Variants in MYO7A observed in about 807,000 individuals in gnomAD.
MYO7A encodes unconventional myosin-VIIa.
In MYO7A, 210 loss-of-function variants were observed where a neutral mutation model predicts 263.8. The ratio of observed to expected loss-of-function variants is 0.80; its 90% CI spans 0.71 to 0.89. The LOEUF (loss-of-function observed/expected upper bound fraction) is 0.89, where lower values mean the gene tolerates loss of function less well. Among genes scored for constraint, MYO7A ranks in the 40% least tolerant of loss-of-function variants. The probability of loss-of-function intolerance (pLI) is 0.00; values close to 1 mark genes in which losing one functional copy is unlikely to be tolerated. For missense variants in MYO7A, 2,820 were observed against 2,968.3 expected (o/e 0.95, Z 1.16); for synonymous variants, 1,239 against 1,197.3 (o/e 1.03, Z -0.72).
chr11:77,214,386 G>A (rs1024739131), intron 48 of MYO7A, among the ~76,000 whole-genome samples: 14 of 152,228 alleles, frequency 9.2e-5, no homozygotes, highest in Admixed American at 2.0e-4. Flanking sequence ...GGACCCACAA[G>A]CTAGGGGCTT....
At chr11:77,182,291 A>T in intron 24 of MYO7A, 133 bp from the exon 25 acceptor site, 1 of 1,430,708 alleles carries the variant, frequency 7.0e-7, no homozygotes, top group Non-Finnish European at 9.4e-7. Flanking sequence ...TATAGTCTTC[A>T]CTGCGGTGCC....
intron 4 of MYO7A, among the ~76,000 whole-genome samples, chr11:77,150,217 G>A (rs879975688): frequency 4.6e-5 from 7 of 152,220 alleles, no homozygotes; most frequent in Non-Finnish European, 8.8e-5. Flanking sequence ...TTTTCCCGCC[G>A]GGCCCCCTGC....
intron 27 of MYO7A, 58 bp downstream of exon 27, chr11:77,184,773 G>A (rs1555087464): frequency 1.3e-6 from 2 of 1,576,146 alleles, no homozygotes; most frequent in South Asian, 2.3e-5. Context: ...GCTGAGTGGT[G>A]CCTCTGTCAA....
In MYO7A at chr11:77,155,916, G is replaced by A. The variant is rs1555061415; in HGVS notation, c.295G>A (p.Gly99Ser). ...YRDHLIYTYT[G>S]SILVAVNPYQ... ...CTCTTGCTGCCCGCAGACGTATACG[G>A]GCTCCATCCTGGTGGCTGTGAACCC... Residue 99 changes from glycine to serine, a missense_variant, in exon 5 of 49, where the codon GGC (glycine) becomes AGC (serine). By Grantham distance (56) the Gly-to-Ser change is moderately conservative. Transcript: ENST00000409709. 3 of 1,603,352 alleles carry A rather than the reference G, an allele frequency of 1.9e-6. No homozygotes were observed. Among genetic ancestry groups the A allele is most frequent in the African/African-American group, 1.3e-5 (1 of 74,722 alleles).
chr11:77,174,965 T>G (rs1954498802), intron 17 of MYO7A, 51 bp downstream of exon 17: 2 of 1,591,156 alleles, frequency 1.3e-6, no homozygotes, highest in Non-Finnish European at 1.7e-6. Context: ...CAGCTTTGGC[T>G]GGGCAAGGGT....
rs181126043 is a variant in MYO7A at position 77,162,282 on chromosome 11, G to A, written c.1506G>A (p.Lys502=). ...NQDALDMIAN[K]PMNIISLIDE... ...ATGCCCTGGACATGATTGCCAACAA[G>A]CCCATGAACATCATCTCCCTCATCG... Residue 502 remains lysine (K), a synonymous_variant, in exon 13 of 49, where the codon AAG becomes AAA. Transcript: ENST00000409709. 2.8e-5 allele frequency: 43 copies of A among 1,553,080 alleles called. No individual in the cohort carries two copies. In the African/African-American group the frequency reaches 5.3e-4, roughly 19 times the overall value.
In MYO7A at chr11:77,159,454, A is replaced by C. The variant is rs2135269662; in HGVS notation, c.1011A>C (p.Thr337=). The change falls in exon 10 of 49, where the codon ACA becomes ACC. Residue 337 remains threonine, a synonymous_variant. Coordinates refer to ENST00000409709, the MANE Select transcript of MYO7A (RefSeq NM_000260.4). The part of the protein sequence containing the change: ...HLGNLQYEAR[T]FENLDACEVL... ...GCCCCTTGCTGCCAACAGCACGCAC[A>C]TTTGAAAACCTGGATGCCTGTGAGG... is the stretch of plus-strand genomic sequence containing the variant. 1 of 1,386,888 alleles carries C rather than the reference A, an allele frequency of 7.2e-7. No individual in the cohort carries two copies. Among genetic ancestry groups the C allele is most frequent in the African/African-American group, 1.6e-5 (1 of 64,396 alleles). The allele number at this position is 1,386,888 out of a possible 1,614,324, so 85.9% of individuals were successfully genotyped here.
chr11:77,192,141 A>C lies in MYO7A; in HGVS notation c.4015A>C (p.Asn1339His). The C allele has an allele frequency of 6.2e-7, 1 of 1,613,930 alleles. No individual in the cohort carries two copies. Among genetic ancestry groups the C allele is most frequent in the Non-Finnish European group, 8.5e-7 (1 of 1,179,884 alleles). The change falls in exon 31 of 49, where the codon AAC becomes CAC. Residue 1339 changes from asparagine (N) to histidine (H), a missense_variant. By Grantham distance (68) the Asn-to-His change is moderately conservative (BLOSUM62 1). Coordinates refer to ENST00000409709, the MANE Select transcript of MYO7A (RefSeq NM_000260.4). ...CAAGGAGCAGGGCGCCCAGGAGCGC[A>C]ACGCCCCCTGGAGGCTCTTCTTCCG... ...YAKEQGAQERNAPWRLFFRKE... is the reference protein window; with the variant it reads ...YAKEQGAQERHAPWRLFFRKE...
intron 4 of MYO7A, among the ~76,000 whole-genome samples, chr11:77,152,699 T>C (rs1389269247): frequency 4.6e-5 from 7 of 152,000 alleles, no homozygotes; most frequent in African/African-American, 1.7e-4. Context: ...GTGCCGTGCA[T>C]GGTGCCAGGC....
Position 77,211,908 on chromosome 11 carries a change from A to G in MYO7A, c.6325A>G (p.Thr2109Ala). 1 of 1,613,908 alleles carries G rather than the reference A, an allele frequency of 6.2e-7. No homozygotes were observed. Among genetic ancestry groups the G allele is most frequent in the Non-Finnish European group, 8.5e-7 (1 of 1,179,832 alleles). Residue 2109 changes from threonine (T) to alanine (A), a missense_variant, in exon 46 of 49, where the codon ACC becomes GCC. Coordinates refer to ENST00000409709, the MANE Select transcript of MYO7A (RefSeq NM_000260.4). ...CCTGAAGCTCATCTTCAAGTGGCCCACCTTTGGCTCAGCCTTCTTCGAGGT... is the reference window on the plus strand; with the variant it reads ...CCTGAAGCTCATCTTCAAGTGGCCCGCCTTTGGCTCAGCCTTCTTCGAGGT... ...AFLKLIFKWP[T>A]FGSAFFEVKQ...
chr11:77,153,974 G>C (rs1292237785), intron 4 of MYO7A, among the ~76,000 whole-genome samples: 2 of 152,222 alleles, frequency 1.3e-5, no homozygotes, highest in Non-Finnish European at 2.9e-5. Flanking sequence ...GTTTAGCTGG[G>C]CATGGTGGCA....
intron 1 of MYO7A, among the ~76,000 whole-genome samples, chr11:77,128,928 G>C (rs781829849): frequency 3.2e-4 from 49 of 152,306 alleles, no homozygotes; most frequent in Admixed American, 2.0e-4. Flanking sequence ...AGCCCCAACA[G>C]CCAGGGTTGT....
rs1004748261 is a variant in MYO7A, at chr11:77,211,881, T to G, written c.6298T>G (p.Phe2100Val). 6.2e-6 allele frequency: 10 copies of G among 1,613,976 alleles called. No homozygotes were observed. Among genetic ancestry groups the G allele is most frequent in the Non-Finnish European group, 4.2e-6 (5 of 1,179,860 alleles). Residue 2100 changes from phenylalanine to valine, a missense_variant, in exon 46 of 49, where the codon TTC (phenylalanine) becomes GTC (valine). Phe to Val is a conservative substitution (Grantham distance 50, BLOSUM62 -1). Transcript: ENST00000409709. ...GTCCAAGGAGGAGGCCAAGCTGGCC[T>G]TCCTGAAGCTCATCTTCAAGTGGCC... ...GKSKEEAKLA[F>V]LKLIFKWPTF...
chr11:77,180,783 A>G (rs1330726787), intron 22 of MYO7A, among the ~76,000 whole-genome samples: 2 of 152,212 alleles, frequency 1.3e-5, no homozygotes, highest in Non-Finnish European at 2.9e-5. Context: ...CGAGGGTGCT[A>G]CACTGCCCAA....
Position 77,199,551 on chromosome 11 carries a change from C to A in MYO7A, c.4585C>A (p.Leu1529Ile), listed in dbSNP as rs1462793220. Residue 1529 changes from leucine to isoleucine, a missense_variant, in exon 35 of 49, where the codon CTC becomes ATC. By Grantham distance (5) the Leu-to-Ile change is conservative. Transcript: ENST00000409709. Reference sequence around the variant, plus strand: ...CTCCTTCAGGGAGTGCCGTGTCTGGCTCTCACTGGGCTGCTCTGATCTTGG... The same window carrying A: ...CTCCTTCAGGGAGTGCCGTGTCTGGATCTCACTGGGCTGCTCTGATCTTGG... Reference protein sequence around the residue: ...VSSSRECRVWLSLGCSDLGCA... With the variant: ...VSSSRECRVWISLGCSDLGCA... The A allele has an allele frequency of 6.6e-7, 1 of 1,508,384 alleles. No individual in the cohort carries two copies. 93.4% of individuals were successfully genotyped at this position (1,508,384 alleles called of 1,614,324 possible).
Position 77,214,926 on chromosome 11 carries a change from A to G in MYO7A, c.*230A>G, listed in dbSNP as rs112830819. 10,948 of 516,352 alleles carry G rather than the reference A, an allele frequency of 0.021. 261 individuals carry two copies. The highest frequency in any genetic ancestry group is 0.084 in the African/African-American group (4,419 of 52,376). 32.0% of individuals were successfully genotyped at this position (516,352 alleles called of 1,614,324 possible). A position where few individuals can be genotyped will look rare whatever the true frequency, so the allele number is the denominator to read the frequency against. ...CCCCTCTGGCACCTGGGTTGGTCTA[A>G]TCCTAGTTTGCTGTGGCCTTCCCGG... On this transcript the variant is annotated 3_prime_UTR_variant, in exon 49 of 49. Coordinates refer to ENST00000409709, the MANE Select transcript of MYO7A (RefSeq NM_000260.4).
intron 15 of MYO7A, 97 bp from the exon 16 acceptor site, chr11:77,172,651 C>A (rs1954207892): frequency 6.8e-7 from 1 of 1,481,390 alleles, no homozygotes; most frequent in South Asian, 1.2e-5. Context: ...CAAACCCTGA[C>A]CCCGCTGACC....
At chr11:77,192,967 G>GGAGGTAGTGATGCTGTTGGTGATC (rs1956255670) in intron 31 of MYO7A, among the ~76,000 whole-genome samples, 1 of 28,232 alleles carries the variant, frequency 3.5e-5, no homozygotes, top group African/African-American at 2.9e-4. Context: ...TGTTGGTGAT[G>GGAGGTAGTGATGCTGTTGGTGATC]GTGGAGGTAG....
At chr11:77,188,424 T>C (rs897322286) in intron 27 of MYO7A, among the ~76,000 whole-genome samples, 125 of 152,228 alleles carry the variant, frequency 8.2e-4, no homozygotes, top group African/African-American at 2.9e-3. Context: ...AAAAAATGGG[T>C]AACTTCAGAA....
Sources: allele counts gnomAD v4.1 joint callset (sites outside exome capture counted in the v4.1 genomes callset), GRCh38; gene constraint gnomAD v4.1.1; transcripts MANE v1.5; gene names NCBI Gene and HGNC (gene_info 2026-07-23, HGNC 2026-07-21).